TMEM221: variants seen among roughly 807,000 people sequenced by gnomAD.
TMEM221 encodes Putative transmembrane protein ENSP00000342162.
Under a neutral mutation model 10.2 loss-of-function variants are expected in TMEM221, and 11 were observed. The ratio of observed to expected loss-of-function variants is 1.08; its 90% CI spans 0.68 to 1.79. The LOEUF is 1.79. Ranked by LOEUF, TMEM221 falls within the 40% of genes most tolerant of loss-of-function variation. TMEM221 has a pLI of 0.00. For synonymous variants in TMEM221, 172 were observed against 199.8 expected (o/e 0.86, Z 1.18); for missense variants, 382 against 417.7 (o/e 0.91, Z 0.75).
intron 1 of TMEM221, among the ~76,000 whole-genome samples, chr19:17,445,823 CATTCATTCATCCATCCACTTATCA>C (rs1568399208): frequency 6.6e-6 from 1 of 151,866 alleles, no homozygotes; most frequent in African/African-American, 2.4e-5. Flanking sequence ...TCCATCCACT[CATTCATTCATCCATCCACTTATCA>C]ATTCATTCAT....
At position 17,448,527 on chromosome 19, in the gene TMEM221, G is replaced by A. The variant is rs909899637; in HGVS notation, c.-65C>T. 4 of 1,307,110 alleles carry A rather than the reference G, an allele frequency of 3.1e-6. No homozygotes were observed. The highest frequency in any genetic ancestry group is 3.2e-5 in the South Asian group (2 of 61,830). 81.0% of individuals were successfully genotyped at this position (1,307,110 alleles called of 1,614,324 possible). On this transcript the variant is annotated 5_prime_UTR_variant, in exon 1 of 3. Coordinates refer to ENST00000341130, the MANE Select transcript of TMEM221 (RefSeq NM_001190844.2). The surrounding 1 kb of genome is among the most constrained non-coding windows in gnomAD (Gnocchi z 4.7). The stretch of plus-strand genomic sequence containing the variant: ...TGAAGTGGTTTTAGAGGGCAGGGGA[G>A]TTGGGGGGAATCCGAGGGTCCTCAG...
chr19:17,440,740 A>G (rs771108207), intron 2 of TMEM221, among the ~76,000 whole-genome samples: 73 of 152,188 alleles, frequency 4.8e-4, no homozygotes, highest in Non-Finnish European at 2.9e-4. Flanking sequence ...CTCAGCTCTC[A>G]GGGTCCTGCA....
At chr19:17,447,679 C>T (rs2144507039) in intron 1 of TMEM221, among the ~76,000 whole-genome samples, 1 of 152,320 alleles carries the variant, frequency 6.6e-6, no homozygotes, top group South Asian at 2.1e-4. Context: ...ATAGGGGTCC[C>T]TCAATGACCA....
chr19:17,444,144 C>T (rs987358650), intron 2 of TMEM221, among the ~76,000 whole-genome samples: 7 of 138,262 alleles, frequency 5.1e-5, no homozygotes, highest in South Asian at 4.5e-4. Context: ...TGCAGTGGCA[C>T]GATCTTGGCT....
At chr19:17,438,176 C>T (rs992230281) in intron 2 of TMEM221, among the ~76,000 whole-genome samples, 2 of 150,792 alleles carry the variant, frequency 1.3e-5, no homozygotes, top group Non-Finnish European at 2.9e-5. Context: ...GCAACCTCTG[C>T]TTCCCGGGTT....
At chr19:17,437,502 T>C (rs1599616352) in intron 2 of TMEM221, among the ~76,000 whole-genome samples, 1 of 152,052 alleles carries the variant, frequency 6.6e-6, no homozygotes, top group African/African-American at 2.4e-5. Context: ...CTGAGGCAGG[T>C]GGATCACTTG....
chr19:17,439,199 T>C (rs1599617350), intron 2 of TMEM221, among the ~76,000 whole-genome samples: 2 of 107,678 alleles, frequency 1.9e-5, no homozygotes, highest in Admixed American at 9.7e-5. Flanking sequence ...AGAGCGAGAC[T>C]CCATCTCAAA....
At chr19:17,438,504 C>T (rs919636234) in intron 2 of TMEM221, among the ~76,000 whole-genome samples, 3 of 151,844 alleles carry the variant, frequency 2.0e-5, no homozygotes, top group East Asian at 1.9e-4. Flanking sequence ...GGATTACAGG[C>T]GTGAGCCACT....
chr19:17,442,762 T>G (rs2074936932), intron 2 of TMEM221, among the ~76,000 whole-genome samples: 1 of 151,744 alleles, frequency 6.6e-6, no homozygotes, highest in African/African-American at 2.4e-5. Context: ...ATAACCTAAT[T>G]TGAGTGCCTG....
rs1445675939 is a variant in TMEM221, at chr19:17,445,301, C to T, written c.321-17G>A. 1 of 1,529,002 alleles carries T rather than the reference C, an allele frequency of 6.5e-7. No individual in the cohort carries two copies. The highest frequency in any genetic ancestry group is 2.4e-5 in the East Asian group (1 of 40,876). 94.7% of individuals were successfully genotyped at this position (1,529,002 alleles called of 1,614,324 possible). A position where few individuals can be genotyped will look rare whatever the true frequency, so the allele number is the denominator to read the frequency against. ...CAGTCAGACCTGGAATGAAGGGGAG[C>T]AGGAAGATAAAGGGTTCAGGAAGTG... is the stretch of plus-strand genomic sequence containing the variant. On this transcript the variant is annotated splice_polypyrimidine_tract_variant and intron_variant, in intron 1 of 2. Transcript: ENST00000341130.
chr19:17,439,251 G>A (rs2074922284), intron 2 of TMEM221, among the ~76,000 whole-genome samples: 2 of 151,252 alleles, frequency 1.3e-5, no homozygotes, highest in Non-Finnish European at 2.9e-5. Context: ...ACCCATATGA[G>A]GGAATATGAT....
In TMEM221 at chr19:17,448,369, ACAG is replaced by A; in HGVS notation, c.91_93del (p.Leu31del). ...TCGGCGCGGCCCGCCTGCAGCTGAAACAGCAGCTGCGCGCCCAGCGCCGCCAGC... is the reference window on the plus strand; with the variant it reads ...TCGGCGCGGCCCGCCTGCAGCTGAAACAGCTGCGCGCCCAGCGCCGCCAGC... On this transcript the variant is annotated inframe_deletion, in exon 1 of 3. Coordinates refer to ENST00000341130, the MANE Select transcript of TMEM221 (RefSeq NM_001190844.2). The surrounding 1 kb of genome is among the most constrained non-coding windows in gnomAD (Gnocchi z 4.7). The A allele has an allele frequency of 7.1e-7, 1 of 1,413,320 alleles. No homozygotes were observed. 87.5% of individuals were successfully genotyped at this position (1,413,320 alleles called of 1,614,324 possible).
In TMEM221 at chr19:17,435,599, A is replaced by G. The variant is rs1476333618; in HGVS notation, c.*859T>C. ...TTTCCTTGAGCCCCAGAAACTACCC[A>G]TGCCTACACCCCAAAAGCAGCAGCA... On this transcript the variant is annotated 3_prime_UTR_variant, in exon 3 of 3. Transcript: ENST00000341130. The G allele has an allele frequency of 6.6e-6, 1 of 152,276 alleles. No homozygotes were observed. The allele number at this position is 152,276 out of a possible 1,614,324, so 9.4% of individuals were successfully genotyped here.
chr19:17,436,284 G>A lies in TMEM221; in HGVS notation c.*174C>T. 1 of 626,418 alleles carries A rather than the reference G, an allele frequency of 1.6e-6. No homozygotes were observed. The allele number at this position is 626,418 out of a possible 1,614,324, so 38.8% of individuals were successfully genotyped here. On this transcript the variant is annotated 3_prime_UTR_variant, in exon 3 of 3. Coordinates refer to ENST00000341130, the MANE Select transcript of TMEM221 (RefSeq NM_001190844.2). ...TCTGACTTTCCCTCAGAATGAGGAG[G>A]TGAAGGCTGGAGCTCTGGCAATTAT...
At chr19:17,447,572 C>G (rs562375676) in intron 1 of TMEM221, among the ~76,000 whole-genome samples, 144 of 152,310 alleles carry the variant, frequency 9.5e-4, no homozygotes, top group Middle Eastern at 3.4e-3. Context: ...AGAATTTGGG[C>G]TCCTCTCCCC....
intron 2 of TMEM221, among the ~76,000 whole-genome samples, chr19:17,440,081 C>T (rs909816758): frequency 1.3e-5 from 2 of 151,906 alleles, no homozygotes; most frequent in African/African-American, 2.4e-5. Context: ...CAGCTAGCTG[C>T]GGGGCTGAGG....
At chr19:17,440,368 A>AG (rs1243034260) in intron 2 of TMEM221, among the ~76,000 whole-genome samples, 4 of 151,674 alleles carry the variant, frequency 2.6e-5, no homozygotes, top group Non-Finnish European at 5.9e-5. Flanking sequence ...CTGGGACTAC[A>AG]GCCGCCCGCC....
chr19:17,447,476 C>T (rs937580337), intron 1 of TMEM221, among the ~76,000 whole-genome samples: 10 of 152,160 alleles, frequency 6.6e-5, no homozygotes, highest in African/African-American at 2.4e-4. Flanking sequence ...ATTTCATTGT[C>T]CCTTGGGTGG....
In TMEM221 at chr19:17,436,367, A is replaced by G. The variant is rs899081295; in HGVS notation, c.*91T>C. ...CCAAGGATGCAATAAAATGAGAGAAAAATCAAGTCCTACTGCTACTGCAGC... is the reference window on the plus strand; with the variant it reads ...CCAAGGATGCAATAAAATGAGAGAAGAATCAAGTCCTACTGCTACTGCAGC... On this transcript the variant is annotated 3_prime_UTR_variant, in exon 3 of 3. Coordinates refer to ENST00000341130, the MANE Select transcript of TMEM221 (RefSeq NM_001190844.2). 5 of 1,259,842 alleles carry G rather than the reference A, an allele frequency of 4.0e-6. No individual in the cohort carries two copies. Among genetic ancestry groups the G allele is most frequent in the East Asian group, 2.7e-5 (1 of 36,580 alleles). The allele number at this position is 1,259,842 out of a possible 1,614,324, so 78.0% of individuals were successfully genotyped here. A position where few individuals can be genotyped will look rare whatever the true frequency, so the allele number is the denominator to read the frequency against.
Sources: gnomAD v4.1 joint callset for allele counts (sites outside exome capture counted in the v4.1 genomes callset) on GRCh38, gnomAD v4.1.1 for gene constraint, Gnocchi (gnomAD v3.1) non-coding constraint, MANE v1.5 for transcripts, NCBI Gene and HGNC (gene_info 2026-07-23, HGNC 2026-07-21) for gene names.